MED30: variants seen among roughly 807,000 people sequenced by gnomAD.
MED30 encodes mediator of RNA polymerase II transcription subunit 30.
Under a neutral mutation model 21.7 loss-of-function variants are expected in MED30, and 8 were observed. The ratio of observed to expected loss-of-function variants is 0.37; its 90% CI spans 0.22 to 0.67. The LOEUF is 0.67. Ranked by LOEUF, MED30 falls within the 30% of genes least tolerant of loss-of-function variation. The probability of loss-of-function intolerance (pLI) is 0.58; values close to 1 mark genes in which losing one functional copy is unlikely to be tolerated. For synonymous variants in MED30, 79 were observed against 86.7 expected (o/e 0.91, Z 0.49); for missense variants, 203 against 228.2 (o/e 0.89, Z 0.71).
intron 1 of MED30, among the ~76,000 whole-genome samples, chr8:117,528,353 T>C (rs1394543811): frequency 6.6e-6 from 1 of 151,966 alleles, no homozygotes; most frequent in East Asian, 1.9e-4. Flanking sequence ...ATTAAAATTG[T>C]AAATTTTTTT....
intron 1 of MED30, among the ~76,000 whole-genome samples, chr8:117,522,749 G>A (rs201102712): frequency 6.6e-6 from 1 of 151,504 alleles, no homozygotes; most frequent in East Asian, 1.9e-4. Context: ...AGATCCAGGA[G>A]AAATTATGAC....
Position 117,540,062 on chromosome 8 carries a change from T to A in MED30, c.*84T>A. ...TTTTTTCCCTGTGAAGAAGATTATTTATCTGCTTTTATTTTAGTCACTAAA... is the reference window on the plus strand; with the variant it reads ...TTTTTTCCCTGTGAAGAAGATTATTAATCTGCTTTTATTTTAGTCACTAAA... On this transcript the variant is annotated 3_prime_UTR_variant, in exon 4 of 4. Coordinates refer to ENST00000297347, the MANE Select transcript of MED30 (RefSeq NM_080651.4). 2 of 694,648 alleles carry A rather than the reference T, an allele frequency of 2.9e-6. No homozygotes were observed. The highest frequency in any genetic ancestry group is 4.5e-6 in the Non-Finnish European group (2 of 442,208). The allele number at this position is 694,648 out of a possible 1,614,324, so 43.0% of individuals were successfully genotyped here. A position where few individuals can be genotyped will look rare whatever the true frequency, so the allele number is the denominator to read the frequency against.
At chr8:117,531,049 A>G (rs564323936) in intron 3 of MED30, among the ~76,000 whole-genome samples, 2 of 152,216 alleles carry the variant, frequency 1.3e-5, no homozygotes, top group South Asian at 2.1e-4. Flanking sequence ...TAAAGCTCTT[A>G]GAAGAGCTCC....
chr8:117,528,071 G>T (rs1300906191), intron 1 of MED30, among the ~76,000 whole-genome samples: 1 of 151,666 alleles, frequency 6.6e-6, no homozygotes, highest in Non-Finnish European at 1.5e-5. Context: ...ATTTATTAAT[G>T]GTGTTCAAGT....
Position 117,532,984 on chromosome 8 carries a change from AT to A in MED30, c.441+2164del, listed in dbSNP as rs542494898. Reference sequence around the variant, plus strand: ...GTGTTCTGCTTATGTTTCTCTAATGATTTTTTTATAAAATATAATGAAATAT... The same window carrying A: ...GTGTTCTGCTTATGTTTCTCTAATGATTTTTTATAAAATATAATGAAATAT... On this transcript the variant is annotated intron_variant, in intron 3 of 3. Transcript: ENST00000297347. Among the ~76,000 whole-genome samples the A allele has an allele frequency of 2.7e-3, 404 of 152,078 alleles. 1 individual carries two copies. The highest frequency in any genetic ancestry group is 5.0e-3 in the Non-Finnish European group (340 of 67,910).
chr8:117,520,824 G>T lies in MED30; in HGVS notation c.-53G>T. On this transcript the variant is annotated 5_prime_UTR_variant, in exon 1 of 4. Transcript: ENST00000297347. ...CCCCACAGCCTCCCAATTCCGGGCA[G>T]ACCCCTGACACCTGCTGTCTGGCCC... 1 of 1,485,180 alleles carries T rather than the reference G, an allele frequency of 6.7e-7. No homozygotes were observed. The highest frequency in any genetic ancestry group is 2.3e-5 in the Admixed American group (1 of 44,250). The allele number at this position is 1,485,180 out of a possible 1,614,324, so 92.0% of individuals were successfully genotyped here. A position where few individuals can be genotyped will look rare whatever the true frequency, so the allele number is the denominator to read the frequency against.
chr8:117,523,876 G>A (rs1375461108), intron 1 of MED30: 2 of 410,190 alleles, frequency 4.9e-6, no homozygotes, highest in Admixed American at 3.6e-5. Context: ...GCGTGGTGGC[G>A]GGCGCCTGTA....
chr8:117,528,550 G>T, intron 1 of MED30, 101 bp from the exon 2 acceptor site: 1 of 938,190 alleles, frequency 1.1e-6, no homozygotes, highest in East Asian at 2.7e-5. Context: ...TTATGTCTAT[G>T]CATTGCCTAA....
At chr8:117,523,274 G>T in intron 1 of MED30, 1 of 1,147,680 alleles carries the variant, frequency 8.7e-7, no homozygotes, top group Non-Finnish European at 1.3e-6. Flanking sequence ...TACTGAGGTG[G>T]CTGACCATGT....
intron 1 of MED30, among the ~76,000 whole-genome samples, chr8:117,525,792 C>T (rs369360038): frequency 6.6e-6 from 1 of 152,058 alleles, no homozygotes; most frequent in Non-Finnish European, 1.5e-5. Flanking sequence ...AGCTGCCTAT[C>T]TTTTATGTAT....
At chr8:117,534,175 G>A (rs753835561) in intron 3 of MED30, among the ~76,000 whole-genome samples, 68 of 152,110 alleles carry the variant, frequency 4.5e-4, no homozygotes, top group Non-Finnish European at 6.3e-4. Flanking sequence ...TGGATCAGGC[G>A]TATTCTCGGT....
At chr8:117,523,943 G>A (rs1220247872) in intron 1 of MED30, 6 of 304,874 alleles carry the variant, frequency 2.0e-5, no homozygotes, top group Non-Finnish European at 3.8e-5. Flanking sequence ...GGAGGCGGAG[G>A]TGGCAGTGAG....
At chr8:117,533,592 A>C (rs978509701) in intron 3 of MED30, among the ~76,000 whole-genome samples, 6 of 151,818 alleles carry the variant, frequency 4.0e-5, no homozygotes, top group African/African-American at 7.3e-5. Context: ...TGATTGAATA[A>C]TTTTTTGTTT....
At chr8:117,528,609 T>G (rs778584142) in intron 1 of MED30, 42 bp from the exon 2 acceptor site, 3 of 1,504,250 alleles carry the variant, frequency 2.0e-6, no homozygotes, top group Non-Finnish European at 2.7e-6. Flanking sequence ...TTGATTTTTT[T>G]TTCATTACTT....
rs1334673608 is a variant in MED30 at position 117,521,535 on chromosome 8, TCAC to T, written c.177+486_177+488del. On this transcript the variant is annotated intron_variant, in intron 1 of 3. Coordinates refer to ENST00000297347, the MANE Select transcript of MED30 (RefSeq NM_080651.4). ...TGTAGTCTGTATACTTGTGAAATTA[TCAC>T]CACAATCAAAATAGTGTACACATCA... Among the ~76,000 whole-genome samples the T allele has an allele frequency of 4.6e-5, 7 of 152,364 alleles. No homozygotes were observed. In the East Asian group the frequency reaches 5.8e-4, roughly 13 times the overall value.
chr8:117,525,512 A>G (rs1252944591), intron 1 of MED30, among the ~76,000 whole-genome samples: 1 of 151,848 alleles, frequency 6.6e-6, no homozygotes, highest in East Asian at 1.9e-4. Flanking sequence ...AAGTAGTTGA[A>G]TGTATTAGTC....
intron 3 of MED30, among the ~76,000 whole-genome samples, chr8:117,535,866 T>A (rs1818871209): frequency 6.6e-6 from 1 of 152,156 alleles, no homozygotes; most frequent in Admixed American, 6.5e-5. Context: ...TATTATGGTA[T>A]GGAGTATAAA....
chr8:117,534,333 T>C (rs1409530881), intron 3 of MED30, among the ~76,000 whole-genome samples: 2 of 152,164 alleles, frequency 1.3e-5, no homozygotes, highest in African/African-American at 4.8e-5. Flanking sequence ...ATTCCTCTCC[T>C]GCCACACACT....
chr8:117,529,932 G>A (rs978432379), intron 2 of MED30, among the ~76,000 whole-genome samples: 2 of 151,944 alleles, frequency 1.3e-5, no homozygotes, highest in Non-Finnish European at 2.9e-5. Context: ...GTAGACATGG[G>A]TGAGTTTATA....
Sources: gnomAD v4.1 joint callset for allele counts (sites outside exome capture counted in the v4.1 genomes callset) on GRCh38, gnomAD v4.1.1 for gene constraint, MANE v1.5 for transcripts, NCBI Gene and HGNC (gene_info 2026-07-23, HGNC 2026-07-21) for gene names.